The following TMEFF1 variants were observed in gnomAD, a reference collection of about 807,000 sequenced individuals.
TMEFF1 encodes transmembrane protein with EGF like and two follistatin like domains 1, also known as tomoregulin-1.
TMEFF1 carries 20 observed loss-of-function variants against 47.5 expected under a neutral mutation model. The ratio of observed to expected loss-of-function variants is 0.42; its 90% confidence interval spans 0.30 to 0.61. The LOEUF (loss-of-function observed/expected upper bound fraction) is 0.61. TMEFF1 is among the 20% of genes least tolerant of loss of function. TMEFF1 has a pLI of 0.19. For missense variants in TMEFF1, 411 were observed against 471.1 expected (o/e 0.87, Z 1.18); for synonymous variants, 162 against 166.3 (o/e 0.97, Z 0.20).
intron 5 of TMEFF1, chr9:100,518,490 G>A (rs1445270441): frequency 1.0e-6 from 1 of 985,430 alleles, no homozygotes; most frequent in Non-Finnish European, 1.2e-6. Flanking sequence ...GAGCATGCAG[G>A]CTCTTACCAG....
Position 100,473,297 on chromosome 9 carries a change from G to T in TMEFF1, c.-248G>T, listed in dbSNP as rs1368815591. 6.3e-6 allele frequency: 1 copy of T among 158,320 alleles called. No homozygotes were observed. The highest frequency in any genetic ancestry group is 6.6e-5 in the Admixed American group (1 of 15,214). The allele number at this position is 158,320 out of a possible 1,614,324, so 9.8% of individuals were successfully genotyped here. A position where few individuals can be genotyped will look rare whatever the true frequency, so the allele number is the denominator to read the frequency against. On this transcript the variant is annotated 5_prime_UTR_variant, in exon 1 of 10. Coordinates refer to ENST00000374879, the MANE Select transcript of TMEFF1 (RefSeq NM_003692.5). This position sits in a 1 kb window ranked among gnomAD's most constrained non-coding sequence, Gnocchi z 5.4. The stretch of plus-strand genomic sequence containing the variant: ...GCCGCGGTGTCCCCCACGCCGGCTC[G>T]CACCCTCGCGCGCACCCTTGCGCGC...
At chr9:100,530,611 A>G (rs1838358523) in intron 5 of TMEFF1, among the ~76,000 whole-genome samples, 1 of 152,060 alleles carries the variant, frequency 6.6e-6, no homozygotes, top group Non-Finnish European at 1.5e-5. Flanking sequence ...ACCAACCAAA[A>G]AGAGTCCAGG....
At chr9:100,499,080 T>G (rs1809850522) in intron 2 of TMEFF1, among the ~76,000 whole-genome samples, 1 of 152,228 alleles carries the variant, frequency 6.6e-6, no homozygotes, top group South Asian at 2.1e-4. Flanking sequence ...TTGACAATAA[T>G]AGATGTGACA....
chr9:100,562,190 A>G (rs1839030806), intron 8 of TMEFF1, among the ~76,000 whole-genome samples: 1 of 152,156 alleles, frequency 6.6e-6, no homozygotes, highest in South Asian at 2.1e-4. Flanking sequence ...TGATGTTTCT[A>G]TAGACAAGGG....
intron 1 of TMEFF1, among the ~76,000 whole-genome samples, chr9:100,479,720 A>T (rs1298262589): frequency 6.6e-6 from 1 of 152,234 alleles, no homozygotes. Flanking sequence ...TTATGGCCAA[A>T]TAATATTCCA....
intron 5 of TMEFF1, among the ~76,000 whole-genome samples, chr9:100,547,453 A>G (rs531261436): frequency 1.3e-5 from 2 of 152,220 alleles, no homozygotes; most frequent in South Asian, 2.1e-4. Flanking sequence ...ACAATGTGCC[A>G]TTTTGCTATT....
At chr9:100,530,977 G>A (rs955852215) in intron 5 of TMEFF1, among the ~76,000 whole-genome samples, 1 of 151,588 alleles carries the variant, frequency 6.6e-6, no homozygotes, top group Non-Finnish European at 1.5e-5. Flanking sequence ...CAGAGCCAAA[G>A]ACAAAAACCA....
In TMEFF1 at chr9:100,473,341, C is replaced by A. The variant is rs1288535486; in HGVS notation, c.-204C>A. On this transcript the variant is annotated 5_prime_UTR_variant, in exon 1 of 10. Transcript: ENST00000374879. The surrounding 1 kb of genome is among the most constrained non-coding windows in gnomAD (Gnocchi z 5.4). Reference sequence around the variant, plus strand: ...TGCGCGCCCGCGACCCTCGCACGCGCCCGGACCCGCCGACTCCGTCCCGAG... The same window carrying A: ...TGCGCGCCCGCGACCCTCGCACGCGACCGGACCCGCCGACTCCGTCCCGAG... 2 of 252,504 alleles carry A rather than the reference C, an allele frequency of 7.9e-6. No homozygotes were observed. The highest frequency in any genetic ancestry group is 1.4e-5 in the Non-Finnish European group (2 of 141,952). 15.6% of individuals were successfully genotyped at this position (252,504 alleles called of 1,614,324 possible).
chr9:100,476,305 C>T (rs1837227191), intron 1 of TMEFF1, among the ~76,000 whole-genome samples: 1 of 152,044 alleles, frequency 6.6e-6, no homozygotes, highest in African/African-American at 2.4e-5. Context: ...AGTCTGGACA[C>T]ACACATCTGT....
chr9:100,549,136 G>A (rs190081406), intron 6 of TMEFF1, among the ~76,000 whole-genome samples: 91 of 152,188 alleles, frequency 6.0e-4, no homozygotes, highest in Non-Finnish European at 1.0e-3. Context: ...AAGAAAAGAG[G>A]TATAATTGGC....
chr9:100,509,037 A>G lies in TMEFF1; in HGVS notation c.339A>G (p.Ser113=). ...CAAATTATATTCCTGTCTGTGGATC[A>G]AATGGGGACACTTATCAAAATGAAT... ...CHTNYIPVCG[S]NGDTYQNECF... Residue 113 remains serine, a synonymous_variant, in exon 3 of 10, where the codon TCA becomes TCG. Transcript: ENST00000374879. 1 of 1,601,800 alleles carries G rather than the reference A, an allele frequency of 6.2e-7. No homozygotes were observed. The highest frequency in any genetic ancestry group is 8.5e-7 in the Non-Finnish European group (1 of 1,176,036).
intron 3 of TMEFF1, 84 bp from the exon 4 acceptor site, chr9:100,513,223 T>G: frequency 1.3e-6 from 2 of 1,558,838 alleles, no homozygotes; most frequent in Non-Finnish European, 1.7e-6. Flanking sequence ...ATCACAGTTT[T>G]ATTTTTGATA....
At chr9:100,478,238 C>T (rs1471121865) in intron 1 of TMEFF1, among the ~76,000 whole-genome samples, 2 of 152,228 alleles carry the variant, frequency 1.3e-5, no homozygotes, top group East Asian at 3.9e-4. Flanking sequence ...GGGAATTGGC[C>T]CTGTTGTCTC....
chr9:100,530,413 G>A (rs1319233633), intron 5 of TMEFF1, among the ~76,000 whole-genome samples: 5 of 152,024 alleles, frequency 3.3e-5, no homozygotes, highest in African/African-American at 4.8e-5. Context: ...TATCACCACC[G>A]ATCCCACAGA....
chr9:100,550,390 A>G (rs1838810828), intron 7 of TMEFF1, among the ~76,000 whole-genome samples: 4 of 152,208 alleles, frequency 2.6e-5, no homozygotes, highest in Non-Finnish European at 5.9e-5. Flanking sequence ...TATTGAGATA[A>G]TTTTAGATGT....
Position 100,550,164 on chromosome 9 carries a change from C to T in TMEFF1, c.775+4C>T, listed in dbSNP as rs1838806208. 1 of 1,609,226 alleles carries T rather than the reference C, an allele frequency of 6.2e-7. No homozygotes were observed. Among genetic ancestry groups the T allele is most frequent in the Non-Finnish European group, 8.5e-7 (1 of 1,178,350 alleles). ...CAATATCGACCAGATGTGAAAGGTACTGAATCATGCATCTCCAAATTTTGG... is the reference window on the plus strand; with the variant it reads ...CAATATCGACCAGATGTGAAAGGTATTGAATCATGCATCTCCAAATTTTGG... On this transcript the variant is annotated splice_donor_region_variant and intron_variant, in intron 7 of 9. Coordinates refer to ENST00000374879, the MANE Select transcript of TMEFF1 (RefSeq NM_003692.5).
At position 100,577,392 on chromosome 9, in the gene TMEFF1, G is replaced by T. The variant is rs114796772; in HGVS notation, c.*792G>T. 6.0e-4 allele frequency: 91 copies of T among 152,588 alleles called. No homozygotes were observed. The highest frequency in any genetic ancestry group is 2.1e-3 in the African/African-American group (88 of 41,550). 9.5% of individuals were successfully genotyped at this position (152,588 alleles called of 1,614,324 possible). ...ATACAAAAATGATTGTTAATGATTG[G>T]TGCTCTTAAAGTGAGCTTAAAATTT... On this transcript the variant is annotated 3_prime_UTR_variant, in exon 10 of 10. Coordinates refer to ENST00000374879, the MANE Select transcript of TMEFF1 (RefSeq NM_003692.5).
intron 2 of TMEFF1, among the ~76,000 whole-genome samples, chr9:100,501,727 C>G (rs1587823671): frequency 6.6e-6 from 1 of 152,238 alleles, no homozygotes; most frequent in South Asian, 2.1e-4. Context: ...TCACTGCAAC[C>G]TCCGCCTCCC....
chr9:100,566,201 C>T (rs55827987), intron 8 of TMEFF1, among the ~76,000 whole-genome samples: 6,720 of 152,222 alleles, frequency 0.044, 339 homozygotes, highest in South Asian at 0.22. Context: ...GTAGTGTACC[C>T]GGGTTCAGTC....
Sources: gnomAD v4.1 joint callset for allele counts (sites outside exome capture counted in the v4.1 genomes callset) on GRCh38, gnomAD v4.1.1 for gene constraint, Gnocchi (gnomAD v3.1) non-coding constraint, MANE v1.5 for transcripts, NCBI Gene and HGNC (gene_info 2026-07-23, HGNC 2026-07-21) for gene names.